PTPRK: variants seen among roughly 807,000 people sequenced by gnomAD.
PTPRK encodes protein tyrosine phosphatase receptor type K, also known as receptor-type tyrosine-protein phosphatase kappa.
PTPRK carries 75 observed loss-of-function variants against 178.0 expected under a neutral mutation model. The observed-to-expected ratio is 0.42, with a 90% confidence interval of 0.35 to 0.51. PTPRK has a LOEUF of 0.51. PTPRK is among the 20% of genes least tolerant of loss of function. The probability of loss-of-function intolerance (pLI) is 0.02; values close to 1 mark genes in which losing one functional copy is unlikely to be tolerated. For synonymous variants in PTPRK, 637 were observed against 620.6 expected, an observed-to-expected ratio of 1.03 and a Z score of -0.39; for missense variants, 1,441 against 1,797.8, an observed-to-expected ratio of 0.80 and a Z score of 3.59.
At position 127,970,018 on chromosome 6, in the gene PTPRK, T is replaced by C. The variant is rs1306282161; in HGVS notation, c.*209A>G. On this transcript the variant is annotated 3_prime_UTR_variant, in exon 30 of 30. Coordinates refer to ENST00000368226, the MANE Select transcript of PTPRK (RefSeq NM_002844.4). ...AATATAATTTATGTGGCATGAAATG[T>C]TGATGCTTTAATATAGTAATAAAAA... 4 of 458,148 alleles carry C rather than the reference T, an allele frequency of 8.7e-6. No individual in the cohort carries two copies. Among genetic ancestry groups the C allele is most frequent in the Admixed American group, 8.2e-5 (2 of 24,440 alleles). 28.4% of individuals were successfully genotyped at this position (458,148 alleles called of 1,614,324 possible). A position where few individuals can be genotyped will look rare whatever the true frequency, so the allele number is the denominator to read the frequency against.
At chr6:128,127,893 T>G (rs1793635002) in intron 7 of PTPRK, among the ~76,000 whole-genome samples, 1 of 152,218 alleles carries the variant, frequency 6.6e-6, no homozygotes, top group South Asian at 2.1e-4. Flanking sequence ...CTTTCAAGCC[T>G]GTGGATCAGC....
chr6:128,181,904 C>G, intron 7 of PTPRK, among the ~76,000 whole-genome samples: 1 of 152,024 alleles, frequency 6.6e-6, no homozygotes, highest in East Asian at 1.9e-4. Context: ...ACAATATATA[C>G]TTCCATAAGC....
chr6:128,305,847 T>C (rs1162102206), intron 3 of PTPRK, among the ~76,000 whole-genome samples: 1 of 152,246 alleles, frequency 6.6e-6, no homozygotes, highest in East Asian at 1.9e-4. Context: ...TATTTATTAA[T>C]TATGTGTTAT....
intron 2 of PTPRK, among the ~76,000 whole-genome samples, chr6:128,396,782 G>A (rs990108794): frequency 5.3e-5 from 8 of 152,180 alleles, no homozygotes; most frequent in Admixed American, 6.5e-5. Flanking sequence ...GGCGGATCAC[G>A]AGGTCAGGAG....
intron 1 of PTPRK, among the ~76,000 whole-genome samples, chr6:128,460,320 G>A (rs1002177892): frequency 6.6e-6 from 1 of 152,170 alleles, no homozygotes; most frequent in African/African-American, 2.4e-5. Flanking sequence ...AAGGTGGGAG[G>A]ATTGCTTGAG....
chr6:128,264,425 G>A (rs982002), intron 3 of PTPRK, among the ~76,000 whole-genome samples: 6,910 of 152,086 alleles, frequency 0.045, 516 homozygotes, highest in African/African-American at 0.16. Flanking sequence ...TACATAAGTC[G>A]TCATCATTAA....
intron 3 of PTPRK, among the ~76,000 whole-genome samples, chr6:128,249,276 A>G (rs1459271294): frequency 6.6e-6 from 1 of 151,426 alleles, no homozygotes; most frequent in African/African-American, 2.4e-5. Flanking sequence ...CTAGTGATCA[A>G]AATCTATCAT....
chr6:128,116,794 T>C (rs1224503713), intron 7 of PTPRK, among the ~76,000 whole-genome samples: 1 of 152,252 alleles, frequency 6.6e-6, no homozygotes, highest in Admixed American at 6.5e-5. Flanking sequence ...TGAGCAATCA[T>C]TTATGAAGAG....
At position 127,998,794 on chromosome 6, in the gene PTPRK, T is replaced by C; in HGVS notation, c.2605A>G (p.Arg869Gly). Residue 869 changes from arginine (R) to glycine (G), a missense_variant, in exon 16 of 30, where the codon AGG becomes GGG. By Grantham distance (125) the Arg-to-Gly change is moderately radical (BLOSUM62 -2). Coordinates refer to ENST00000368226, the MANE Select transcript of PTPRK (RefSeq NM_002844.4). Reference protein sequence around the residue: ...YQTGQLHPAIRVADLLQHINL... With the variant: ...YQTGQLHPAIGVADLLQHINL... ...ATGTGCTGCAGTAAATCAGCTACCC[T>C]GATGGCTGGATGCAGCTGTCCTGTC... is the stretch of plus-strand genomic sequence containing the variant. 6.2e-7 allele frequency: 1 copy of C among 1,611,086 alleles called. No individual in the cohort carries two copies. Among genetic ancestry groups the C allele is most frequent in the Non-Finnish European group, 8.5e-7 (1 of 1,178,150 alleles).
chr6:127,993,975 C>T (rs778734997), intron 18 of PTPRK, among the ~76,000 whole-genome samples: 135 of 151,656 alleles, frequency 8.9e-4, no homozygotes, highest in Non-Finnish European at 1.6e-3. Context: ...CCAGGTTAAA[C>T]TAAATAGGTA....
At chr6:128,037,983 G>A (rs939213949) in intron 13 of PTPRK, among the ~76,000 whole-genome samples, 6 of 152,056 alleles carry the variant, frequency 3.9e-5, no homozygotes, top group African/African-American at 1.4e-4. Context: ...TTTTAACACT[G>A]ATTTTCAAAA....
At position 127,985,865 on chromosome 6, in the gene PTPRK, T is replaced by C. The variant is rs139586825; in HGVS notation, c.3107A>G (p.Asn1036Ser). ...GAACTGTTTAACTTCACGGATTTCA[T>C]TGTACCCCCTCTGTGCAAAGATGGA... ...RTFTLERRGY[N>S]EIREVKQFHF... The change falls in exon 22 of 30, where the codon AAT becomes AGT. Residue 1036 changes from asparagine (N) to serine (S), a missense_variant. Coordinates refer to ENST00000368226, the MANE Select transcript of PTPRK (RefSeq NM_002844.4). 3.0e-5 allele frequency: 48 copies of C among 1,611,614 alleles called. No individual in the cohort carries two copies. Among genetic ancestry groups the C allele is most frequent in the Admixed American group, 5.0e-5 (3 of 59,958 alleles).
chr6:127,990,824 C>A lies in PTPRK; in HGVS notation c.3041G>T (p.Cys1014Phe). The A allele has an allele frequency of 6.2e-7, 1 of 1,612,346 alleles. No individual in the cohort carries two copies. Among genetic ancestry groups the A allele is most frequent in the Non-Finnish European group, 8.5e-7 (1 of 1,178,734 alleles). Residue 1014 changes from cysteine to phenylalanine, a missense_variant, in exon 21 of 30, where the codon TGT (cysteine) becomes TTT (phenylalanine). Cys to Phe is a radical substitution (Grantham distance 205, BLOSUM62 -2). Transcript: ENST00000368226. ...TEVYGDFKVT[C>F]VEMEPLAEYV... ...TTCAGCAAGTGGTTCCATTTCTACA[C>A]ACGTTACTTTGAAGTCACCATAAAC...
At chr6:128,271,826 A>G (rs117359635) in intron 3 of PTPRK, among the ~76,000 whole-genome samples, 2,176 of 152,042 alleles carry the variant, frequency 0.014, 23 homozygotes, top group South Asian at 0.033. Flanking sequence ...TATTTACTTT[A>G]CTTTGAAGAG....
chr6:128,500,341 A>G (rs1222749040), intron 1 of PTPRK, among the ~76,000 whole-genome samples: 4 of 151,332 alleles, frequency 2.6e-5, no homozygotes, highest in African/African-American at 4.9e-5. Context: ...AGTTAATACA[A>G]TCATGTGATT....
At chr6:128,107,763 C>T (rs1167076986) in intron 7 of PTPRK, among the ~76,000 whole-genome samples, 2 of 152,082 alleles carry the variant, frequency 1.3e-5, no homozygotes, top group African/African-American at 4.8e-5. Context: ...TTTCAAGTGT[C>T]TCTAATAGAA....
At chr6:128,026,879 T>C (rs1036200468) in intron 13 of PTPRK, among the ~76,000 whole-genome samples, 1 of 152,176 alleles carries the variant, frequency 6.6e-6, no homozygotes, top group African/African-American at 2.4e-5. Context: ...TATTACTAAA[T>C]CCATTTGCTG....
intron 6 of PTPRK, among the ~76,000 whole-genome samples, chr6:128,197,210 T>A (rs1433980429): frequency 3.0e-5 from 4 of 135,132 alleles, no homozygotes; most frequent in Non-Finnish European, 4.8e-5. Context: ...GCTTAAAAAA[T>A]TTACTTTAAG....
At chr6:128,282,094 T>G (rs954624784) in intron 3 of PTPRK, among the ~76,000 whole-genome samples, 1 of 152,196 alleles carries the variant, frequency 6.6e-6, no homozygotes, top group Non-Finnish European at 1.5e-5. Context: ...TGAATCCATA[T>G]GCTACGGTGG....
Sources: allele counts gnomAD v4.1 joint callset (sites outside exome capture counted in the v4.1 genomes callset), GRCh38; gene constraint gnomAD v4.1.1; transcripts MANE v1.5; gene names NCBI Gene and HGNC (gene_info 2026-07-23, HGNC 2026-07-21).